TEAD4: variants seen among roughly 807,000 people sequenced by gnomAD.
TEAD4 encodes the protein TEA domain transcription factor 4.
In TEAD4, 36 loss-of-function variants were observed where a neutral mutation model predicts 52.4. The observed-to-expected ratio is 0.69, with a 90% CI of 0.53 to 0.91. TEAD4 has a LOEUF of 0.91. Ranked by LOEUF, TEAD4 falls within the 40% of genes least tolerant of loss-of-function variation. The pLI is 0.00. For missense variants in TEAD4, 508 were observed against 583.9 expected (o/e 0.87, Z 1.34); for synonymous variants, 220 against 231.0 (o/e 0.95, Z 0.43).
intron 2 of TEAD4, among the ~76,000 whole-genome samples, chr12:2,961,215 C>G (rs2098215000): frequency 6.6e-6 from 1 of 152,126 alleles, no homozygotes; most frequent in Non-Finnish European, 1.5e-5. Flanking sequence ...CCAGCCTGAA[C>G]TACTTTTCCT....
In TEAD4 at chr12:3,020,685, C is replaced by T; in HGVS notation, c.635C>T (p.Pro212Leu). The T allele has an allele frequency of 6.2e-7, 1 of 1,606,972 alleles. No homozygotes were observed. Among genetic ancestry groups the T allele is most frequent in the Non-Finnish European group, 8.5e-7 (1 of 1,176,310 alleles). ...CCATCGCCCTCTGCGCCCCCGGCAC[C>T]CCCATGGCAGGGCCGCAGCGTGGCC... is the stretch of plus-strand genomic sequence containing the variant. Residue 212 changes from proline (P) to leucine (L), a missense_variant, in exon 9 of 13, where the codon CCC becomes CTC. Pro to Leu is a moderately conservative substitution (Grantham distance 98). Transcript: ENST00000359864.
intron 10 of TEAD4, among the ~76,000 whole-genome samples, chr12:3,035,472 T>C (rs557171548): frequency 6.6e-6 from 1 of 152,320 alleles, no homozygotes; most frequent in East Asian, 1.9e-4. Context: ...CCCCAGGCCC[T>C]TTTTAGGAAC....
chr12:2,989,845 G>A (rs916614787), intron 2 of TEAD4, among the ~76,000 whole-genome samples: 1 of 152,258 alleles, frequency 6.6e-6, no homozygotes, highest in African/African-American at 2.4e-5. Flanking sequence ...GTGTCCCTAC[G>A]TTATGTGTTC....
chr12:3,014,733 G>A (rs995846063), intron 5 of TEAD4, among the ~76,000 whole-genome samples: 5 of 152,242 alleles, frequency 3.3e-5, no homozygotes, highest in Middle Eastern at 3.4e-3. Context: ...TCCATTGCCC[G>A]GCTACTGCTG....
chr12:3,031,635 G>T (rs566848055), intron 10 of TEAD4, among the ~76,000 whole-genome samples: 120 of 152,282 alleles, frequency 7.9e-4, no homozygotes, highest in African/African-American at 2.8e-3. Flanking sequence ...AGATAGATGG[G>T]CCCAGATAGA....
intron 2 of TEAD4, among the ~76,000 whole-genome samples, chr12:2,979,556 G>A (rs2098232524): frequency 6.6e-6 from 1 of 152,226 alleles, no homozygotes; most frequent in African/African-American, 2.4e-5. Context: ...CTCAGTGCAC[G>A]CATGTGTCCA....
At chr12:2,967,302 C>A (rs950564715) in intron 2 of TEAD4, among the ~76,000 whole-genome samples, 1 of 152,148 alleles carries the variant, frequency 6.6e-6, no homozygotes, top group African/African-American at 2.4e-5. Flanking sequence ...CAATTATACT[C>A]TATCCCGTTT....
chr12:3,021,821 C>G (rs2098268919), intron 9 of TEAD4, 23 bp from the exon 10 acceptor site: 1 of 1,611,252 alleles, frequency 6.2e-7, no homozygotes, highest in South Asian at 1.1e-5. Context: ...GCTCCGTCTC[C>G]CTCAGACCCA....
At chr12:3,019,033 A>C in intron 7 of TEAD4, 82 bp from the exon 8 acceptor site, 1 of 1,550,320 alleles carries the variant, frequency 6.5e-7, no homozygotes, top group Non-Finnish European at 8.9e-7. Flanking sequence ...AGGACCTACC[A>C]CACAGACCAC....
chr12:2,962,333 A>AAATATATATATAAATATATATAT lies in TEAD4; in HGVS notation c.-30+2294_-30+2295insATATATATATAAATATATATATA, dbSNP rs1565518245. Among the ~76,000 whole-genome samples the AAATATATATATAAATATATATAT allele has an allele frequency of 2.0e-3, 77 of 38,042 alleles. 1 individual carries two copies. The highest frequency in any genetic ancestry group is 7.6e-3 in the Admixed American group (18 of 2,356). 25.0% of individuals were successfully genotyped at this position (38,042 alleles called of 152,430 possible). ...ATATATAAATATATATATAAATATA[A>AAATATATATATAAATATATATAT]ATATATATATATATTTTTTGAGATG... On this transcript the variant is annotated intron_variant, in intron 2 of 12. Transcript: ENST00000359864.
At chr12:3,024,093 T>A (rs1422192527) in intron 10 of TEAD4, among the ~76,000 whole-genome samples, 1 of 152,116 alleles carries the variant, frequency 6.6e-6, no homozygotes. Context: ...TCACTTTTTT[T>A]TTTTGAGTCT....
chr12:3,020,490 C>G (rs2098267901), intron 8 of TEAD4, 144 bp from the exon 9 acceptor site: 2 of 1,065,298 alleles, frequency 1.9e-6, no homozygotes, highest in Admixed American at 6.0e-5. Flanking sequence ...CCTCCACCAC[C>G]TCTGCTAGGA....
intron 5 of TEAD4, among the ~76,000 whole-genome samples, chr12:3,013,578 A>G (rs2098262101): frequency 6.6e-6 from 1 of 152,308 alleles, no homozygotes; most frequent in South Asian, 2.1e-4. Context: ...TACTAAAAAT[A>G]TAAAAATTAG....
At chr12:2,966,463 T>G (rs928955647) in intron 2 of TEAD4, among the ~76,000 whole-genome samples, 1 of 150,846 alleles carries the variant, frequency 6.6e-6, no homozygotes, top group African/African-American at 2.5e-5. Flanking sequence ...CAGGCTGGAG[T>G]GCAGTGGCGT....
rs115632236 is a variant in TEAD4, at chr12:3,004,628, C to T, written c.227-6376C>T. On this transcript the variant is annotated intron_variant, in intron 3 of 12. Transcript: ENST00000359864. ...GTTTCCCTGTCTGTAGCGTGGATGACAGTACCACCCTCATTTAGCTGTTGT... is the reference window on the plus strand; with the variant it reads ...GTTTCCCTGTCTGTAGCGTGGATGATAGTACCACCCTCATTTAGCTGTTGT... 5.4e-3 allele frequency among the ~76,000 whole-genome samples: 816 copies of T among 152,304 alleles called. 6 individuals are homozygous for T. The highest frequency in any genetic ancestry group is 0.019 in the African/African-American group (787 of 41,558).
intron 3 of TEAD4, among the ~76,000 whole-genome samples, chr12:3,008,728 T>C (rs937176772): frequency 1.1e-4 from 16 of 152,168 alleles, no homozygotes. Flanking sequence ...GTACTGGAGA[T>C]GCAGACTTGA....
rs896397769 is a variant in TEAD4, at chr12:3,019,152, C to A, written c.565C>A (p.Pro189Thr). ...CTCTCAGCAAACCTATGCTGTCCAG[C>A]CTCCGCTGCCTCTGCCAGGTGGGTG... The change falls in exon 8 of 13, where the codon CCT becomes ACT. Residue 189 changes from proline to threonine, a missense_variant. Coordinates refer to ENST00000359864, the MANE Select transcript of TEAD4 (RefSeq NM_003213.4). 1 of 1,613,910 alleles carries A rather than the reference C, an allele frequency of 6.2e-7. No homozygotes were observed. The highest frequency in any genetic ancestry group is 8.5e-7 in the Non-Finnish European group (1 of 1,180,002).
chr12:2,963,530 A>G (rs1197242277), intron 2 of TEAD4, among the ~76,000 whole-genome samples: 1 of 152,232 alleles, frequency 6.6e-6, no homozygotes, highest in Admixed American at 6.5e-5. Context: ...GGGGGCTGTC[A>G]GCAGCCAGGA....
intron 3 of TEAD4, among the ~76,000 whole-genome samples, chr12:3,007,459 A>G (rs966842597): frequency 1.3e-5 from 2 of 152,216 alleles, no homozygotes; most frequent in African/African-American, 4.8e-5. Context: ...TTCTCTGGCA[A>G]ATAGGTATAA....
Sources: allele counts gnomAD v4.1 joint callset (sites outside exome capture counted in the v4.1 genomes callset), GRCh38; gene constraint gnomAD v4.1.1; transcripts MANE v1.5; gene names NCBI Gene and HGNC (gene_info 2026-07-23, HGNC 2026-07-21).